Variants in FBXO32 observed in about 807,000 individuals in gnomAD.
FBXO32 encodes the protein F-box protein 32.
FBXO32 carries 15 observed loss-of-function variants against 48.3 expected under a neutral mutation model. The observed-to-expected ratio is 0.31, with a 90% CI of 0.21 to 0.48. The LOEUF is 0.48. Ranked by LOEUF, FBXO32 falls within the 20% of genes least tolerant of loss-of-function variation. The pLI is 0.99. For synonymous variants in FBXO32, 154 were observed against 165.9 expected (o/e 0.93, Z 0.55); for missense variants, 309 against 432.7 (o/e 0.71, Z 2.54).
At chr8:123,530,299 G>T (rs1281269486) in intron 4 of FBXO32, among the ~76,000 whole-genome samples, 2 of 152,122 alleles carry the variant, frequency 1.3e-5, no homozygotes, top group Admixed American at 1.3e-4. Context: ...CAGGCCTCAA[G>T]GGGCCTTGAA....
chr8:123,515,721 C>G (rs909173102), intron 4 of FBXO32, among the ~76,000 whole-genome samples: 2 of 151,852 alleles, frequency 1.3e-5, no homozygotes, highest in African/African-American at 4.8e-5. Context: ...AGGCCAGGTG[C>G]GGTGGCTCAT....
intron 1 of FBXO32, among the ~76,000 whole-genome samples, chr8:123,538,721 G>A (rs1817356479): frequency 1.3e-5 from 2 of 152,184 alleles, no homozygotes; most frequent in South Asian, 4.1e-4. Flanking sequence ...TGACTCAAAG[G>A]ACCACAGGTG....
chr8:123,521,351 G>T (rs2130533421), intron 4 of FBXO32, among the ~76,000 whole-genome samples: 1 of 152,344 alleles, frequency 6.6e-6, no homozygotes, highest in South Asian at 2.1e-4. Context: ...TGCTATAGAT[G>T]AGGTGGCTCA....
Position 123,499,843 on chromosome 8 carries a change from C to T in FBXO32, c.*3530G>A, listed in dbSNP as rs1012371062. ...GTATGTGAATCCACAAAGACGAGAA[C>T]TATGGCAATAGCATAATACACACCC... is the stretch of plus-strand genomic sequence containing the variant. On this transcript the variant is annotated 3_prime_UTR_variant, in exon 9 of 9. Coordinates refer to ENST00000517956, the MANE Select transcript of FBXO32 (RefSeq NM_058229.4). 1 of 152,198 alleles carries T rather than the reference C, an allele frequency of 6.6e-6. No homozygotes were observed. 9.4% of individuals were successfully genotyped at this position (152,198 alleles called of 1,614,324 possible).
intron 4 of FBXO32, among the ~76,000 whole-genome samples, chr8:123,529,794 T>A (rs1231897096): frequency 6.6e-6 from 1 of 152,210 alleles, no homozygotes; most frequent in Non-Finnish European, 1.5e-5. Context: ...AATGAACATA[T>A]TGATGAAATA....
At chr8:123,516,864 G>A in intron 4 of FBXO32, among the ~76,000 whole-genome samples, 1 of 152,052 alleles carries the variant, frequency 6.6e-6, no homozygotes, top group East Asian at 1.9e-4. Flanking sequence ...TGCTGAAAGA[G>A]GCGGGAAATC....
chr8:123,515,539 G>T (rs1384032523), intron 4 of FBXO32, among the ~76,000 whole-genome samples: 1 of 151,300 alleles, frequency 6.6e-6, no homozygotes, highest in South Asian at 2.1e-4. Context: ...ATGAGCCACC[G>T]CGCCCCGCCA....
rs1483561971 is a variant in FBXO32, at chr8:123,506,322, G to A, written c.834+70C>T. ...GAACCCAGACCTCAGGCTTGAGCAGGGCACCAAGGAAGTTTGGGGTGAGGG... is the reference window on the plus strand; with the variant it reads ...GAACCCAGACCTCAGGCTTGAGCAGAGCACCAAGGAAGTTTGGGGTGAGGG... On this transcript the variant is annotated intron_variant, in intron 7 of 8. Coordinates refer to ENST00000517956, the MANE Select transcript of FBXO32 (RefSeq NM_058229.4). This position sits in a 1 kb window ranked among gnomAD's most constrained non-coding sequence, Gnocchi z 4.0. The A allele has an allele frequency of 6.6e-7, 1 of 1,524,510 alleles. No homozygotes were observed. The highest frequency in any genetic ancestry group is 9.0e-7 in the Non-Finnish European group (1 of 1,110,868). The allele number at this position is 1,524,510 out of a possible 1,614,324, so 94.4% of individuals were successfully genotyped here. A position where few individuals can be genotyped will look rare whatever the true frequency, so the allele number is the denominator to read the frequency against.
intron 4 of FBXO32, among the ~76,000 whole-genome samples, chr8:123,516,376 A>T (rs555359458): frequency 7.9e-5 from 12 of 152,276 alleles, no homozygotes; most frequent in African/African-American, 2.9e-4. Context: ...CTGAAGCTAG[A>T]ATCTCCGCTC....
intron 7 of FBXO32, among the ~76,000 whole-genome samples, chr8:123,505,277 CA>C (rs747558800): frequency 1.1e-4 from 17 of 152,146 alleles, no homozygotes; most frequent in Non-Finnish European, 1.9e-4. Flanking sequence ...TCTGAAGGCC[CA>C]AATTCAAGGT....
intron 4 of FBXO32, among the ~76,000 whole-genome samples, chr8:123,519,799 A>T (rs1816914679): frequency 6.6e-6 from 1 of 151,926 alleles, no homozygotes; most frequent in South Asian, 2.1e-4. Flanking sequence ...TAAATTTTTT[A>T]ATTTTTGAGA....
Position 123,540,113 on chromosome 8 carries a change from C to T in FBXO32, c.116+786G>A, listed in dbSNP as rs1240425507. 6.6e-6 allele frequency among the ~76,000 whole-genome samples: 1 copy of T among 152,212 alleles called. No individual in the cohort carries two copies. The highest frequency in any genetic ancestry group is 2.4e-5 in the African/African-American group (1 of 41,444). Reference sequence around the variant, plus strand: ...CCTCGAATCCAGAGGCTCACCGGGGCCAGGCAGGCTTTTCGCAGCTGACAG... The same window carrying T: ...CCTCGAATCCAGAGGCTCACCGGGGTCAGGCAGGCTTTTCGCAGCTGACAG... On this transcript the variant is annotated intron_variant, in intron 1 of 8. Coordinates refer to ENST00000517956, the MANE Select transcript of FBXO32 (RefSeq NM_058229.4). The surrounding 1 kb of genome is among the most constrained non-coding windows in gnomAD (Gnocchi z 6.4).
chr8:123,514,401 T>C (rs1816797559), intron 4 of FBXO32, 68 bp from the exon 5 acceptor site: 3 of 1,264,884 alleles, frequency 2.4e-6, no homozygotes, highest in Non-Finnish European at 3.3e-6. Context: ...ATCTTCACTT[T>C]TGAGTCCCAT....
intron 4 of FBXO32, among the ~76,000 whole-genome samples, chr8:123,520,036 C>A (rs1193383836): frequency 6.6e-6 from 1 of 152,206 alleles, no homozygotes; most frequent in African/African-American, 2.4e-5. Context: ...GATCTGCCTG[C>A]TTTGGCCTCC....
rs1416627234 is a variant in FBXO32, at chr8:123,525,379, T to C, written c.372+6519A>G. 1.3e-5 allele frequency among the ~76,000 whole-genome samples: 2 copies of C among 152,274 alleles called. No homozygotes were observed. The highest frequency in any genetic ancestry group is 3.4e-3 in the Middle Eastern group (1 of 294). ...GGGTCAGTTTACTCCAGTGAGAAAA[T>C]TGGTACTCAAGTTCTCCGTGACCTT... On this transcript the variant is annotated intron_variant, in intron 4 of 8. Coordinates refer to ENST00000517956, the MANE Select transcript of FBXO32 (RefSeq NM_058229.4). The surrounding 1 kb of genome is among the most constrained non-coding windows in gnomAD (Gnocchi z 4.3).
rs1188615424 is a variant in FBXO32 at position 123,540,836 on chromosome 8, C to A, written c.116+63G>T. The A allele has an allele frequency of 4.3e-6, 6 of 1,386,476 alleles. No individual in the cohort carries two copies. In the East Asian group the frequency reaches 1.0e-4, roughly 23 times the overall value. The allele number at this position is 1,386,476 out of a possible 1,614,324, so 85.9% of individuals were successfully genotyped here. ...GCCTGCCCCTCATTCGCCGTCCCTG[C>A]GCCCCCCAGACCAGCCCGGGTCAGT... On this transcript the variant is annotated intron_variant, in intron 1 of 8. Coordinates refer to ENST00000517956, the MANE Select transcript of FBXO32 (RefSeq NM_058229.4). The surrounding 1 kb of genome is among the most constrained non-coding windows in gnomAD (Gnocchi z 6.4).
At chr8:123,535,377 C>A (rs998307641) in intron 1 of FBXO32, among the ~76,000 whole-genome samples, 3 of 152,216 alleles carry the variant, frequency 2.0e-5, no homozygotes. Context: ...TTACAAAAAT[C>A]TGACTTATAA....
rs1159982962 is a variant in FBXO32 at position 123,513,665 on chromosome 8, C to T, written c.467-283G>A. 6.6e-6 allele frequency among the ~76,000 whole-genome samples: 1 copy of T among 152,154 alleles called. No individual in the cohort carries two copies. The highest frequency in any genetic ancestry group is 1.5e-5 in the Non-Finnish European group (1 of 68,034). On this transcript the variant is annotated intron_variant, in intron 5 of 8. Coordinates refer to ENST00000517956, the MANE Select transcript of FBXO32 (RefSeq NM_058229.4). This position sits in a 1 kb window ranked among gnomAD's most constrained non-coding sequence, Gnocchi z 4.3. ...TTGTTCTCCCAGCAGCCATGGTTCA[C>T]CTGATCAGAAAGCCACTCCTTTTGC...
chr8:123,541,064 GC>G lies in FBXO32; in HGVS notation c.-51del, dbSNP rs1434326567. ...TGGGGAGACGGGGCCGGCCTGGTGG[GC>G]TCGGGGACGTGCCACCCGGGGCGGA... On this transcript the variant is annotated 5_prime_UTR_variant, in exon 1 of 9. Coordinates refer to ENST00000517956, the MANE Select transcript of FBXO32 (RefSeq NM_058229.4). 1 of 1,297,108 alleles carries G rather than the reference GC, an allele frequency of 7.7e-7. No individual in the cohort carries two copies. Among genetic ancestry groups the G allele is most frequent in the Non-Finnish European group, 1.0e-6 (1 of 955,504 alleles). 80.3% of individuals were successfully genotyped at this position (1,297,108 alleles called of 1,614,324 possible).
Sources: gnomAD v4.1 joint callset for allele counts (sites outside exome capture counted in the v4.1 genomes callset) on GRCh38, gnomAD v4.1.1 for gene constraint, Gnocchi (gnomAD v3.1) non-coding constraint, MANE v1.5 for transcripts, NCBI Gene and HGNC (gene_info 2026-07-23, HGNC 2026-07-21) for gene names.